The following DCAF6 variants were observed in gnomAD, a reference collection of about 807,000 sequenced individuals.
DCAF6 encodes the protein DDB1- and CUL4-associated factor 6.
A neutral mutation model predicts 125.1 loss-of-function variants in DCAF6; 54 were observed. The ratio of observed to expected loss-of-function variants is 0.43; its 90% CI spans 0.35 to 0.54. The LOEUF (loss-of-function observed/expected upper bound fraction) is 0.54, where lower values mean the gene tolerates loss of function less well. DCAF6 is among the 20% of genes least tolerant of loss of function. The pLI, the probability that DCAF6 is intolerant of heterozygous loss-of-function variation, is 0.01. For missense variants in DCAF6, 934 were observed against 1,161.7 expected, an observed-to-expected ratio of 0.80 and a Z score of 2.85; for synonymous variants, 371 against 390.4, an observed-to-expected ratio of 0.95 and a Z score of 0.58.
chr1:168,056,032 G>A, intron 17 of DCAF6: 1 of 1,596,580 alleles, frequency 6.3e-7, no homozygotes, highest in Non-Finnish European at 8.6e-7. Context: ...ACAAGTCCTG[G>A]ATTTTCTGCA....
Position 168,011,159 on chromosome 1 carries a change from CA to C in DCAF6, c.1379-4621del, listed in dbSNP as rs199524585. Among the ~76,000 whole-genome samples the C allele has an allele frequency of 4.4e-3, 649 of 147,496 alleles. 8 individuals are homozygous for C. The East Asian group carries it at 0.056, about 13-fold the overall frequency. On this transcript the variant is annotated intron_variant, in intron 10 of 21. Transcript: ENST00000367840. The stretch of plus-strand genomic sequence containing the variant: ...TTGAGATGGAGTCTTGCTCTGTCAC[CA>C]GGCTGGAGTGCAGTGGCGCGACCTC...
the DCAF6 span, among the ~76,000 whole-genome samples, chr1:167,915,508 T>C: frequency 6.6e-6 from 1 of 152,104 alleles, no homozygotes; most frequent in Admixed American, 6.5e-5. Context: ...TGGAGTGCAA[T>C]GGCGTGATCT....
chr1:168,029,990 AAAAG>A (rs1330668797), intron 12 of DCAF6, among the ~76,000 whole-genome samples: 8 of 151,942 alleles, frequency 5.3e-5, no homozygotes, highest in South Asian at 4.2e-4. Context: ...AAAAAAAAAA[AAAAG>A]AAAAGAAACA....
intron 11 of DCAF6, 90 bp from the exon 12 acceptor site, chr1:168,022,898 C>A: frequency 8.5e-7 from 1 of 1,178,922 alleles, no homozygotes; most frequent in Non-Finnish European, 1.2e-6. Context: ...CAGCCTTATA[C>A]ATTTGTTTCT....
chr1:167,946,595 A>G (rs1045646142), intron 1 of DCAF6, among the ~76,000 whole-genome samples: 5 of 152,044 alleles, frequency 3.3e-5, no homozygotes, highest in Non-Finnish European at 7.4e-5. Context: ...GTTGAATTTT[A>G]TTAAATTCTT....
chr1:168,001,147 T>C (rs932018494), intron 7 of DCAF6, among the ~76,000 whole-genome samples: 4 of 151,942 alleles, frequency 2.6e-5, no homozygotes, highest in African/African-American at 9.7e-5. Context: ...AAAAAATTTT[T>C]AAAACAGCTG....
intron 6 of DCAF6, among the ~76,000 whole-genome samples, chr1:167,993,007 A>G (rs1021325154): frequency 2.6e-5 from 4 of 152,224 alleles, no homozygotes; most frequent in Non-Finnish European, 5.9e-5. Flanking sequence ...CTAGACAATC[A>G]TGAATTTTTT....
intron 10 of DCAF6, among the ~76,000 whole-genome samples, chr1:168,006,758 C>G (rs1683391139): frequency 6.6e-6 from 1 of 152,150 alleles, no homozygotes; most frequent in South Asian, 2.1e-4. Flanking sequence ...ATACTTCTGT[C>G]TATGCTTGCC....
At chr1:167,991,128 A>G (rs1680760623) in intron 5 of DCAF6, 76 bp from the exon 6 acceptor site, 3 of 1,269,856 alleles carry the variant, frequency 2.4e-6, no homozygotes, top group Admixed American at 4.8e-5. Context: ...CTAATTACTA[A>G]TGAGAAAATA....
the DCAF6 span, among the ~76,000 whole-genome samples, chr1:167,912,308 C>T: frequency 6.6e-6 from 1 of 152,222 alleles, no homozygotes; most frequent in Non-Finnish European, 1.5e-5. Context: ...GGCCGGCAAC[C>T]TTTGATAAGC....
At chr1:167,870,824 C>G in the DCAF6 span, among the ~76,000 whole-genome samples, 10 of 148,204 alleles carry the variant, frequency 6.7e-5, no homozygotes. Flanking sequence ...AAAAAAAAAA[C>G]TTGGAATTTC....
At chr1:168,049,431 GTTTTTTTTTTT>G (rs11369573) in intron 16 of DCAF6, among the ~76,000 whole-genome samples, 3 of 101,234 alleles carry the variant, frequency 3.0e-5, no homozygotes, top group Non-Finnish European at 5.6e-5. Flanking sequence ...TGTTGTTGTT[GTTTTTTTTTTT>G]TTTTTTTTTT....
At chr1:168,053,268 C>G (rs1325785304) in intron 17 of DCAF6, among the ~76,000 whole-genome samples, 1 of 152,084 alleles carries the variant, frequency 6.6e-6, no homozygotes, top group Non-Finnish European at 1.5e-5. Context: ...AATGTAAGCA[C>G]CTTTAAGGAC....
At chr1:167,899,933 G>A in the DCAF6 span, among the ~76,000 whole-genome samples, 2 of 152,240 alleles carry the variant, frequency 1.3e-5, 1 homozygote, top group Non-Finnish European at 2.9e-5. Context: ...ATACTTAAGG[G>A]CAACAGGGAA....
At chr1:167,889,996 C>G in the DCAF6 span, among the ~76,000 whole-genome samples, 1 of 152,162 alleles carries the variant, frequency 6.6e-6, no homozygotes, top group Non-Finnish European at 1.5e-5. Context: ...CTTTGAGTTT[C>G]CTCAAACAGC....
chr1:167,873,147 A>C, the DCAF6 span, among the ~76,000 whole-genome samples: 1 of 152,134 alleles, frequency 6.6e-6, no homozygotes, highest in Non-Finnish European at 1.5e-5. Flanking sequence ...TTGTAGAAAG[A>C]AGGTTAGGAT....
the DCAF6 span, among the ~76,000 whole-genome samples, chr1:167,919,168 T>G: frequency 6.6e-6 from 1 of 152,228 alleles, no homozygotes; most frequent in African/African-American, 2.4e-5. Context: ...ACTTCTGTGA[T>G]GCAGGCAGGC....
intron 1 of DCAF6, among the ~76,000 whole-genome samples, chr1:167,946,078 TC>T (rs1426348531): frequency 5.4e-5 from 8 of 149,084 alleles, no homozygotes; most frequent in Admixed American, 2.0e-4. Flanking sequence ...TGCCTCAGCC[TC>T]CCGAGTAGCT....
intron 18 of DCAF6, among the ~76,000 whole-genome samples, chr1:168,064,801 A>T (rs900891257): frequency 6.6e-6 from 1 of 152,212 alleles, no homozygotes; most frequent in Non-Finnish European, 1.5e-5. Flanking sequence ...AAAATTTTTT[A>T]AAATCCTTGT....
Sources: allele counts gnomAD v4.1 joint callset (sites outside exome capture counted in the v4.1 genomes callset), GRCh38; gene constraint gnomAD v4.1.1; transcripts MANE v1.5; gene names NCBI Gene and HGNC (gene_info 2026-07-23, HGNC 2026-07-21).